Variants in UGT1A8 observed in about 807,000 individuals in gnomAD.
UGT1A8 encodes UDP-glucuronosyltransferase 1A8.
A neutral mutation model predicts 45.3 loss-of-function variants in UGT1A8; 39 were observed. The ratio of observed to expected loss-of-function variants is 0.86; its 90% CI spans 0.67 to 1.12. UGT1A8 has a LOEUF of 1.12. Among genes scored for constraint, UGT1A8 ranks in the 50% most tolerant of loss-of-function variants. The pLI, the probability that UGT1A8 is intolerant of heterozygous loss-of-function variation, is 0.00. For missense variants in UGT1A8, 719 were observed against 664.9 expected (o/e 1.08, Z -0.90); for synonymous variants, 275 against 249.2 (o/e 1.10, Z -0.97).
chr2:233,700,253 C>T (rs2125582223), intron 1 of UGT1A8, among the ~76,000 whole-genome samples: 1 of 152,296 alleles, frequency 6.6e-6, no homozygotes, highest in South Asian at 2.1e-4. Context: ...CCCAAAATGC[C>T]AAGTCATTCT....
intron 1 of UGT1A8, among the ~76,000 whole-genome samples, chr2:233,665,682 G>GGA (rs1163791647): frequency 1.3e-5 from 2 of 152,174 alleles, no homozygotes; most frequent in Non-Finnish European, 2.9e-5. Context: ...GCTGACCCAG[G>GGA]GAGGTGCACT....
At chr2:233,685,347 A>G (rs1314303035) in intron 1 of UGT1A8, among the ~76,000 whole-genome samples, 1 of 152,136 alleles carries the variant, frequency 6.6e-6, no homozygotes, top group Non-Finnish European at 1.5e-5. Context: ...AGTGGTTTTA[A>G]TGAGAAAAAA....
At chr2:233,717,545 A>C (rs796753036) in intron 1 of UGT1A8, among the ~76,000 whole-genome samples, 1 of 152,226 alleles carries the variant, frequency 6.6e-6, no homozygotes, top group South Asian at 2.1e-4. Flanking sequence ...CCTCAGCCTC[A>C]CCAGCAATGG....
At position 233,767,873 on chromosome 2, in the gene UGT1A8, C is replaced by T. The variant is rs72551349; in HGVS notation, c.1012C>T (p.Arg338Ter). 2.0e-5 allele frequency: 32 copies of T among 1,614,038 alleles called. No homozygotes were observed. Among genetic ancestry groups the T allele is most frequent in the South Asian group, 1.5e-4 (14 of 91,082 alleles). The change falls in exon 3 of 5, where the codon CGA becomes TGA. Residue 338 changes from arginine (R) to a stop codon, truncating the protein, a stop_gained. Transcript: ENST00000373450. LOFTEE classifies it high-confidence loss of function. Reference sequence around the variant, plus strand: ...GGTCCTGTGGCGGTACACTGGAACCCGACCATCGAATCTTGCGAACAACAC... The same window carrying T: ...GGTCCTGTGGCGGTACACTGGAACCTGACCATCGAATCTTGCGAACAACAC... ...QTVLWRYTGT[R>*]PSNLANNTIL...
intron 1 of UGT1A8, among the ~76,000 whole-genome samples, chr2:233,745,995 A>T (rs1224487934): frequency 1.3e-5 from 2 of 151,678 alleles, no homozygotes; most frequent in Non-Finnish European, 2.9e-5. Context: ...GCTGGGTCTG[A>T]GAGACAGTGG....
intron 1 of UGT1A8, among the ~76,000 whole-genome samples, chr2:233,699,389 T>C (rs1285645026): frequency 3.3e-5 from 5 of 152,220 alleles, no homozygotes; most frequent in Non-Finnish European, 5.9e-5. Flanking sequence ...AATATCTCAA[T>C]TTTAGAAGAG....
rs114158579 is a variant in UGT1A8, at chr2:233,687,163, G to C, written c.855+68601G>C. 3.8e-3 allele frequency among the ~76,000 whole-genome samples: 572 copies of C among 152,274 alleles called. 7 individuals are homozygous for C. Among genetic ancestry groups the C allele is most frequent in the African/African-American group, 0.013 (548 of 41,552 alleles). ...ATATGATAATACATGCAGATGACTGGCATGTGGATATGAATCAGCAATACC... is the reference window on the plus strand; with the variant it reads ...ATATGATAATACATGCAGATGACTGCCATGTGGATATGAATCAGCAATACC... On this transcript the variant is annotated intron_variant, in intron 1 of 4. Transcript: ENST00000373450.
At chr2:233,699,543 T>C (rs1049729465) in intron 1 of UGT1A8, among the ~76,000 whole-genome samples, 4 of 152,214 alleles carry the variant, frequency 2.6e-5, no homozygotes, top group Non-Finnish European at 4.4e-5. Context: ...ATTCACATCA[T>C]AGAGCCAGGT....
intron 1 of UGT1A8, among the ~76,000 whole-genome samples, chr2:233,655,975 G>C (rs2073845436): frequency 6.6e-6 from 1 of 152,074 alleles, no homozygotes. Context: ...TCTTGGAAAA[G>C]GTTACAACCT....
At chr2:233,771,851 A>G (rs982853189) in intron 4 of UGT1A8, among the ~76,000 whole-genome samples, 2 of 135,436 alleles carry the variant, frequency 1.5e-5, no homozygotes, top group Non-Finnish European at 3.0e-5. Context: ...CTTCTTTTTC[A>G]AGAGATCAAT....
intron 1 of UGT1A8, chr2:233,760,357 G>T: frequency 6.2e-7 from 1 of 1,614,100 alleles, no homozygotes; most frequent in South Asian, 1.1e-5. Flanking sequence ...GGGCCCAGTG[G>T]TGTCCCATGC....
intron 1 of UGT1A8, among the ~76,000 whole-genome samples, chr2:233,670,521 A>G (rs1443001934): frequency 6.6e-6 from 1 of 152,186 alleles, no homozygotes; most frequent in East Asian, 1.9e-4. Flanking sequence ...AGCCTTTGCC[A>G]AACTGTTTAA....
chr2:233,707,308 T>A (rs1362623312), intron 1 of UGT1A8, among the ~76,000 whole-genome samples: 2 of 152,304 alleles, frequency 1.3e-5, no homozygotes, highest in Non-Finnish European at 2.9e-5. Flanking sequence ...GCAGGTTTGT[T>A]ACATAGCTAA....
intron 1 of UGT1A8, chr2:233,747,297 T>C: frequency 6.2e-7 from 1 of 1,601,102 alleles, no homozygotes; most frequent in Admixed American, 1.7e-5. Context: ...GGGCTGAGAG[T>C]GGGAAGGTGC....
At chr2:233,696,570 G>A (rs2075349784) in intron 1 of UGT1A8, among the ~76,000 whole-genome samples, 1 of 151,964 alleles carries the variant, frequency 6.6e-6, no homozygotes, top group Non-Finnish European at 1.5e-5. Flanking sequence ...CTGAGAACAA[G>A]AATAATTTGA....
intron 1 of UGT1A8, among the ~76,000 whole-genome samples, chr2:233,677,710 C>A (rs2074397384): frequency 6.6e-6 from 1 of 152,048 alleles, no homozygotes; most frequent in Non-Finnish European, 1.5e-5. Context: ...GAAAAGGGAA[C>A]ACTTGTACCC....
intron 1 of UGT1A8, chr2:233,741,493 A>C (rs1327060039): frequency 1.3e-5 from 2 of 151,862 alleles, no homozygotes; most frequent in Non-Finnish European, 2.9e-5. Context: ...ATGTACAAAA[A>C]ACTGAACTCA....
At chr2:233,673,323 A>G (rs2074256860) in intron 1 of UGT1A8, among the ~76,000 whole-genome samples, 1 of 152,184 alleles carries the variant, frequency 6.6e-6, no homozygotes. Flanking sequence ...GACAAGTTCT[A>G]TTAATAATTG....
chr2:233,644,979 T>A (rs775827048), intron 1 of UGT1A8, among the ~76,000 whole-genome samples: 8 of 152,320 alleles, frequency 5.3e-5, no homozygotes, highest in Admixed American at 1.3e-4. Context: ...AAGGTTCTTA[T>A]GACCCCTGAT....
Sources: allele counts gnomAD v4.1 joint callset (sites outside exome capture counted in the v4.1 genomes callset), GRCh38; gene constraint gnomAD v4.1.1; transcripts MANE v1.5; gene names NCBI Gene and HGNC (gene_info 2026-07-23, HGNC 2026-07-21).